TNNT3: variants seen among roughly 807,000 people sequenced by gnomAD.
The protein encoded by TNNT3 is troponin T3, fast skeletal type.
A neutral mutation model predicts 54.2 loss-of-function variants in TNNT3; 36 were observed. The observed-to-expected ratio is 0.66, with a 90% confidence interval of 0.51 to 0.88. TNNT3 has a LOEUF of 0.88. Among genes scored for constraint, TNNT3 ranks in the 40% least tolerant of loss-of-function variants. The pLI is 0.00. For missense variants in TNNT3, 291 were observed against 331.6 expected, an observed-to-expected ratio of 0.88 and a Z score of 0.95; for synonymous variants, 120 against 109.7, an observed-to-expected ratio of 1.09 and a Z score of -0.59.
chr11:1,921,709 G>T (rs577810809), intron 1 of TNNT3: 1 of 152,250 alleles, frequency 6.6e-6, no homozygotes, highest in South Asian at 2.1e-4. Context: ...GCAGTGCAAC[G>T]TAGATGCATT....
chr11:1,930,165 G>C (rs1445696925), intron 8 of TNNT3, among the ~76,000 whole-genome samples: 1 of 152,162 alleles, frequency 6.6e-6, no homozygotes, highest in African/African-American at 2.4e-5. Context: ...TCCTGTAGGA[G>C]GAGGCTGCAG....
In TNNT3 at chr11:1,934,649, A is replaced by C. The variant is rs1019385765; in HGVS notation, c.584A>C (p.Lys195Thr). Residue 195 changes from lysine (K) to threonine (T), a missense_variant, in exon 13 of 16, where the codon AAA (lysine) becomes ACA (threonine). By Grantham distance (78) the Lys-to-Thr change is moderately conservative. Coordinates refer to ENST00000278317, the MANE Select transcript of TNNT3 (RefSeq NM_006757.4). ...AACATCGATCACCTTGGTGAAGACA[A>C]ACTGAGGTGAGGGGTGGGTGTTGTG... ...PLNIDHLGED[K>T]LRDKAKELWE... is the part of the protein sequence containing the mutation. 4.4e-6 allele frequency: 7 copies of C among 1,608,818 alleles called. No homozygotes were observed. The highest frequency in any genetic ancestry group is 5.1e-6 in the Non-Finnish European group (6 of 1,177,994).
rs996774163 is a variant in TNNT3 at position 1,919,980 on chromosome 11, T to C, written c.-19+218T>C. Among the ~76,000 whole-genome samples the C allele has an allele frequency of 3.3e-5, 5 of 151,960 alleles. No individual in the cohort carries two copies. In the South Asian group the frequency reaches 1.0e-3, roughly 32 times the overall value. On this transcript the variant is annotated intron_variant, in intron 1 of 15. Coordinates refer to ENST00000278317, the MANE Select transcript of TNNT3 (RefSeq NM_006757.4). ...GGATGCGGACATGGTGGTGTGATGG[T>C]CTCAGCACCGGGAGGATGCAGAAGA... is the stretch of plus-strand genomic sequence containing the variant.
chr11:1,929,665 G>A (rs978900794), intron 7 of TNNT3, 145 bp from the exon 8 acceptor site: 5 of 884,594 alleles, frequency 5.7e-6, no homozygotes, highest in Non-Finnish European at 9.2e-6. Flanking sequence ...GTTTCTGGGG[G>A]TTGGGGGTAC....
intron 15 of TNNT3, among the ~76,000 whole-genome samples, chr11:1,937,766 C>T (rs2734495): frequency 0.68 from 103,956 of 152,116 alleles, 36,253 homozygotes; most frequent in Non-Finnish European, 0.76. Flanking sequence ...ACCTCACGGC[C>T]TCCCTGTTGT....
intron 6 of TNNT3, 119 bp from the exon 7 acceptor site, chr11:1,929,001 G>C (rs750823555): frequency 1.3e-5 from 15 of 1,170,336 alleles, no homozygotes; most frequent in South Asian, 4.9e-5. Context: ...CTGGAGAAGA[G>C]AGTGTCCGAG....
chr11:1,929,967 G>C (rs1167887968), intron 8 of TNNT3, 139 bp downstream of exon 8: 3 of 1,201,316 alleles, frequency 2.5e-6, no homozygotes, highest in Non-Finnish European at 3.6e-6. Flanking sequence ...GGTCCTGGCA[G>C]GCCCAGCGCC....
intron 15 of TNNT3, 136 bp downstream of exon 15, chr11:1,937,139 C>A: frequency 1.0e-6 from 1 of 955,858 alleles, no homozygotes; most frequent in South Asian, 1.4e-5. Context: ...GCCAGGCCAC[C>A]CAGGCCAGCA....
At chr11:1,938,309 C>A (rs1855743023) in intron 15 of TNNT3, 129 bp from the exon 16 acceptor site, 2 of 1,032,748 alleles carry the variant, frequency 1.9e-6, no homozygotes, top group South Asian at 1.3e-5. Flanking sequence ...GTGTGGGCCG[C>A]AAGCTTGGGC....
In TNNT3 at chr11:1,922,853, G is replaced by T. The variant is rs762779492; in HGVS notation, c.-18-4G>T. ...TCTCTCTCTCTCTGAATCTCTCTCTGCAGAAACCACCCACCTTCACCATGT... is the reference window on the plus strand; with the variant it reads ...TCTCTCTCTCTCTGAATCTCTCTCTTCAGAAACCACCCACCTTCACCATGT... On this transcript the variant is annotated splice_polypyrimidine_tract_variant and splice_region_variant and intron_variant, in intron 1 of 15. Transcript: ENST00000278317. The T allele has an allele frequency of 9.9e-6, 16 of 1,611,854 alleles. No individual in the cohort carries two copies. The highest frequency in any genetic ancestry group is 1.3e-5 in the African/African-American group (1 of 74,644).
At chr11:1,924,546 T>C (rs887516082) in intron 4 of TNNT3, among the ~76,000 whole-genome samples, 3 of 152,188 alleles carry the variant, frequency 2.0e-5, no homozygotes, top group Non-Finnish European at 2.9e-5. Context: ...GCCGAAAAGG[T>C]GGAAAGACTC....
intron 3 of TNNT3, 111 bp from the exon 4 acceptor site, chr11:1,923,444 G>A: frequency 8.5e-7 from 1 of 1,181,516 alleles, no homozygotes; most frequent in Non-Finnish European, 1.3e-6. Context: ...CTTGGGCAGG[G>A]GCAGTCGCTG....
At position 1,936,317 on chromosome 11, in the gene TNNT3, T is replaced by C. The variant is rs565672138; in HGVS notation, c.682-646T>C. 2.7e-5 allele frequency: 42 copies of C among 1,574,976 alleles called. No individual in the cohort carries two copies. The African/African-American group carries it at 5.3e-4, about 20-fold the overall frequency. Reference sequence around the variant, plus strand: ...TGTGCGTTGCACGGTGAGGTGAACCTCTCGCATGGCAAAAACCTGGATCGC... The same window carrying C: ...TGTGCGTTGCACGGTGAGGTGAACCCCTCGCATGGCAAAAACCTGGATCGC... On this transcript the variant is annotated intron_variant, in intron 14 of 15. Coordinates refer to ENST00000278317, the MANE Select transcript of TNNT3 (RefSeq NM_006757.4).
intron 9 of TNNT3, among the ~76,000 whole-genome samples, chr11:1,932,833 C>T (rs1387798682): frequency 1.0e-4 from 12 of 117,804 alleles, no homozygotes; most frequent in African/African-American, 3.2e-4. Flanking sequence ...TCCACCCAAC[C>T]ACCCACCTAC....
At chr11:1,925,900 G>T (rs1255765398) in intron 5 of TNNT3, among the ~76,000 whole-genome samples, 3 of 152,184 alleles carry the variant, frequency 2.0e-5, no homozygotes, top group South Asian at 2.1e-4. Flanking sequence ...AGGGCTGCCA[G>T]CACCCTTGGA....
At chr11:1,919,947 A>T (rs1402641925) in intron 1 of TNNT3, among the ~76,000 whole-genome samples, 185 bp downstream of exon 1, 1 of 152,180 alleles carries the variant, frequency 6.6e-6, no homozygotes, top group Non-Finnish European at 1.5e-5. Context: ...CAGCGTCCGG[A>T]GAGTCTGGGA....
At chr11:1,929,283 G>A (rs926947443) in intron 7 of TNNT3, 140 bp downstream of exon 7, 23 of 1,139,412 alleles carry the variant, frequency 2.0e-5, no homozygotes, top group East Asian at 9.5e-5. Context: ...CGGGGGCCTC[G>A]GAGGGCCAGG....
intron 5 of TNNT3, 158 bp downstream of exon 5, chr11:1,925,274 A>G: frequency 1.2e-6 from 2 of 1,602,198 alleles, no homozygotes; most frequent in Non-Finnish European, 8.5e-7. Flanking sequence ...GTCCATGAGG[A>G]AGGTATGAGG....
rs746591027 is a variant in TNNT3 at position 1,928,972 on chromosome 11, A to G, written c.83-148A>G. The G allele has an allele frequency of 4.4e-6, 4 of 914,104 alleles. No individual in the cohort carries two copies. The South Asian group carries it at 5.2e-5, about 12-fold the overall frequency. The allele number at this position is 914,104 out of a possible 1,614,324, so 56.6% of individuals were successfully genotyped here. ...ACCGGCCCCAGCTTGGGGCACTTGT[A>G]GGGCCCCGCAGGCACACCCTGGAGA... On this transcript the variant is annotated intron_variant, in intron 6 of 15. Coordinates refer to ENST00000278317, the MANE Select transcript of TNNT3 (RefSeq NM_006757.4).
Sources: gnomAD v4.1 joint callset for allele counts (sites outside exome capture counted in the v4.1 genomes callset) on GRCh38, gnomAD v4.1.1 for gene constraint, MANE v1.5 for transcripts, NCBI Gene and HGNC (gene_info 2026-07-23, HGNC 2026-07-21) for gene names.